Variants in LRRC7 observed in about 807,000 individuals in gnomAD.
LRRC7 encodes the protein leucine-rich repeat-containing protein 7.
Under a neutral mutation model 175.7 loss-of-function variants are expected in LRRC7, and 23 were observed. The ratio of observed to expected loss-of-function variants is 0.13; its 90% confidence interval spans 0.09 to 0.19. The LOEUF (loss-of-function observed/expected upper bound fraction) is 0.19, where lower values mean the gene tolerates loss of function less well. Among genes scored for constraint, LRRC7 ranks in the 10% least tolerant of loss-of-function variants. The pLI is 1.00. For synonymous variants in LRRC7, 685 were observed against 680.9 expected, an observed-to-expected ratio of 1.01 and a Z score of -0.09; for missense variants, 1,354 against 1,904.7, an observed-to-expected ratio of 0.71 and a Z score of 5.38.
At chr1:69,840,361 C>T (rs1252334189) in intron 7 of LRRC7, among the ~76,000 whole-genome samples, 1 of 151,894 alleles carries the variant, frequency 6.6e-6, no homozygotes, top group Non-Finnish European at 1.5e-5. Flanking sequence ...CTTTATTTTG[C>T]ACTCCCAATA....
rs1330105361 is a variant in LRRC7 at position 69,924,620 on chromosome 1, G to T, written c.648-6887G>T. 2.0e-5 allele frequency among the ~76,000 whole-genome samples: 3 copies of T among 152,122 alleles called. No individual in the cohort carries two copies. In the East Asian group the frequency reaches 5.8e-4, roughly 29 times the overall value. ...CTGTTTGTCTGTTATTGGTGTATAA[G>T]AATGCTTGTGATTTTTGTACATTGA... On this transcript the variant is annotated intron_variant, in intron 7 of 26. Coordinates refer to ENST00000651989, the MANE Select transcript of LRRC7 (RefSeq NM_001370785.2).
intron 1 of LRRC7, among the ~76,000 whole-genome samples, chr1:69,667,176 A>C (rs1445814479): frequency 6.6e-6 from 1 of 152,096 alleles, no homozygotes; most frequent in Non-Finnish European, 1.5e-5. Flanking sequence ...GGTGCTTAAT[A>C]TTATTTCACA....
At chr1:69,888,644 T>C (rs12564586) in intron 7 of LRRC7, among the ~76,000 whole-genome samples, 85,664 of 151,782 alleles carry the variant, frequency 0.56, 24,243 homozygotes, top group East Asian at 0.7. Context: ...CTCCTCCTCC[T>C]GAGGACATTT....
At chr1:70,075,430 G>T (rs971631101) in intron 23 of LRRC7, among the ~76,000 whole-genome samples, 1 of 152,104 alleles carries the variant, frequency 6.6e-6, no homozygotes, top group African/African-American at 2.4e-5. Context: ...GATCATTATC[G>T]GTTTAAATAA....
intron 23 of LRRC7, among the ~76,000 whole-genome samples, chr1:70,054,947 C>T (rs1661039876): frequency 6.6e-6 from 1 of 152,086 alleles, no homozygotes; most frequent in African/African-American, 2.4e-5. Flanking sequence ...TTGTAACCTA[C>T]ATATGTATTA....
intron 7 of LRRC7, among the ~76,000 whole-genome samples, chr1:69,904,320 T>A (rs1466676249): frequency 6.6e-6 from 1 of 152,056 alleles, no homozygotes; most frequent in Non-Finnish European, 1.5e-5. Context: ...GAATACTAAT[T>A]TGAAAAATGT....
intron 7 of LRRC7, among the ~76,000 whole-genome samples, chr1:69,916,626 T>A (rs1268266580): frequency 3.9e-5 from 6 of 152,106 alleles, no homozygotes; most frequent in Non-Finnish European, 5.9e-5. Flanking sequence ...TAATTATAGA[T>A]GCCTGATAGA....
chr1:69,767,108 A>C (rs751887359), intron 3 of LRRC7, among the ~76,000 whole-genome samples: 1 of 152,168 alleles, frequency 6.6e-6, no homozygotes, highest in Non-Finnish European at 1.5e-5. Flanking sequence ...GAAATTTCAT[A>C]TAAACAGAAT....
chr1:69,856,694 G>T (rs929647747), intron 7 of LRRC7, among the ~76,000 whole-genome samples: 1 of 152,168 alleles, frequency 6.6e-6, no homozygotes, highest in Non-Finnish European at 1.5e-5. Context: ...ACAAGGATGA[G>T]CTGGTACCAT....
intron 8 of LRRC7, among the ~76,000 whole-genome samples, chr1:69,948,795 C>A (rs575429557): frequency 4.7e-4 from 71 of 152,264 alleles, no homozygotes; most frequent in African/African-American, 1.6e-3. Context: ...TACTTGACAG[C>A]AAGACGTGGA....
intron 7 of LRRC7, among the ~76,000 whole-genome samples, chr1:69,901,000 G>C (rs1050316709): frequency 6.6e-6 from 1 of 152,186 alleles, no homozygotes; most frequent in Non-Finnish European, 1.5e-5. Context: ...AGGTAAGCTG[G>C]TGTCAAATTA....
chr1:69,902,663 G>A (rs1008534306), intron 7 of LRRC7, among the ~76,000 whole-genome samples: 1 of 152,166 alleles, frequency 6.6e-6, no homozygotes. Flanking sequence ...TAATCAACTT[G>A]TTTTGTCCAC....
chr1:69,919,533 C>T, intron 7 of LRRC7: 2 of 803,534 alleles, frequency 2.5e-6, no homozygotes, highest in Admixed American at 2.0e-5. Context: ...GCCGCTCGCA[C>T]CTGCTAGTGA....
At chr1:69,645,154 G>A (rs1654825709) in intron 1 of LRRC7, among the ~76,000 whole-genome samples, 1 of 134,936 alleles carries the variant, frequency 7.4e-6, no homozygotes. Flanking sequence ...TGGAAAAGAA[G>A]TAAAATCTTT....
At chr1:70,085,656 C>T (rs668525) in intron 24 of LRRC7, among the ~76,000 whole-genome samples, 139,138 of 152,130 alleles carry the variant, frequency 0.91, 63,851 homozygotes, top group African/African-American at 0.98. Flanking sequence ...TTACCTACTC[C>T]ATCAAAAATA....
intron 11 of LRRC7, among the ~76,000 whole-genome samples, chr1:69,996,085 T>G (rs1255411427): frequency 6.6e-6 from 1 of 151,388 alleles, no homozygotes; most frequent in African/African-American, 2.4e-5. Context: ...GACTTTTGAA[T>G]GATTGCCATT....
At chr1:69,951,470 C>G (rs1397215821) in intron 8 of LRRC7, among the ~76,000 whole-genome samples, 1 of 151,922 alleles carries the variant, frequency 6.6e-6, no homozygotes, top group Admixed American at 6.6e-5. Flanking sequence ...ATCATTCTGC[C>G]ATGAAGCCAC....
chr1:69,841,944 C>T (rs11799319), intron 7 of LRRC7, among the ~76,000 whole-genome samples: 2 of 152,078 alleles, frequency 1.3e-5, no homozygotes, highest in African/African-American at 4.8e-5. Context: ...AATGATTGAG[C>T]TTTCTCAATA....
intron 5 of LRRC7, among the ~76,000 whole-genome samples, chr1:69,828,666 A>G (rs999769294): frequency 2.0e-5 from 3 of 152,080 alleles, no homozygotes; most frequent in Admixed American, 1.3e-4. Context: ...TGGTTGTGCT[A>G]AGGAGGTAAA....
Sources: allele counts gnomAD v4.1 joint callset (sites outside exome capture counted in the v4.1 genomes callset), GRCh38; gene constraint gnomAD v4.1.1; transcripts MANE v1.5; gene names NCBI Gene and HGNC (gene_info 2026-07-23, HGNC 2026-07-21).